The following DLGAP1 variants were observed in gnomAD, a reference collection of about 807,000 sequenced individuals.
DLGAP1 encodes the protein DLG associated protein 1, also known as disks large-associated protein 1.
DLGAP1 carries 11 observed loss-of-function variants against 90.8 expected under a neutral mutation model. The observed-to-expected ratio is 0.12, with a 90% CI of 0.08 to 0.20. DLGAP1 has a LOEUF of 0.20. Among genes scored for constraint, DLGAP1 ranks in the 10% least tolerant of loss-of-function variants. The pLI, the probability that DLGAP1 is intolerant of heterozygous loss-of-function variation, is 1.00. For missense variants in DLGAP1, 1,050 were observed against 1,333.8 expected (o/e 0.79, Z 3.31); for synonymous variants, 558 against 540.7 (o/e 1.03, Z -0.44).
At chr18:4,098,384 T>G (rs1372191177) in intron 2 of DLGAP1, among the ~76,000 whole-genome samples, 2 of 151,896 alleles carry the variant, frequency 1.3e-5, no homozygotes, top group Admixed American at 1.3e-4. Context: ...AGTCACTGAG[T>G]GATATAAAAA....
chr18:4,057,464 C>G (rs560372719), intron 2 of DLGAP1, among the ~76,000 whole-genome samples: 1 of 152,168 alleles, frequency 6.6e-6, no homozygotes, highest in Non-Finnish European at 1.5e-5. Flanking sequence ...ATGTGGACAG[C>G]CCACCCTAAC....
At chr18:3,901,124 C>A (rs963211616) in intron 3 of DLGAP1, among the ~76,000 whole-genome samples, 1 of 152,130 alleles carries the variant, frequency 6.6e-6, no homozygotes, top group Admixed American at 6.5e-5. Context: ...GCTGCAACCA[C>A]CAAACGACTT....
At chr18:3,972,518 C>G (rs2073475016) in intron 3 of DLGAP1, among the ~76,000 whole-genome samples, 1 of 151,900 alleles carries the variant, frequency 6.6e-6, no homozygotes. Flanking sequence ...CTCTCTCTCT[C>G]TCTCTTTCTT....
chr18:4,374,364 C>T (rs2081975327), intron 1 of DLGAP1, among the ~76,000 whole-genome samples: 1 of 152,012 alleles, frequency 6.6e-6, no homozygotes. Context: ...AATGCAAAAA[C>T]ATTAAGTAAT....
intron 3 of DLGAP1, among the ~76,000 whole-genome samples, chr18:3,979,573 T>C (rs1555718483): frequency 6.6e-6 from 1 of 152,148 alleles, no homozygotes; most frequent in Non-Finnish European, 1.5e-5. Context: ...GACGAAGAGA[T>C]AGGGAAAGAA....
intron 6 of DLGAP1, among the ~76,000 whole-genome samples, chr18:3,734,617 G>C (rs980306738): frequency 1.3e-5 from 2 of 152,174 alleles, no homozygotes; most frequent in East Asian, 1.9e-4. Flanking sequence ...TCTATGTCAA[G>C]AATGATACTG....
intron 7 of DLGAP1, among the ~76,000 whole-genome samples, chr18:3,691,741 A>G (rs2060904721): frequency 6.6e-6 from 1 of 152,058 alleles, no homozygotes; most frequent in Non-Finnish European, 1.5e-5. Context: ...GTGAAAAACC[A>G]TCTCTACAGA....
intron 7 of DLGAP1, among the ~76,000 whole-genome samples, chr18:3,622,357 A>G (rs1567851160): frequency 2.0e-5 from 3 of 152,076 alleles, no homozygotes; most frequent in Admixed American, 1.3e-4. Flanking sequence ...TGCCTGCTTC[A>G]TTCTCCCAAA....
intron 7 of DLGAP1, among the ~76,000 whole-genome samples, chr18:3,658,354 T>C (rs1319422868): frequency 6.6e-6 from 1 of 152,246 alleles, no homozygotes; most frequent in Non-Finnish European, 1.5e-5. Context: ...AACGTCTGGC[T>C]CTTGCAAGCT....
chr18:3,823,352 T>G (rs2067527233), intron 4 of DLGAP1, among the ~76,000 whole-genome samples: 1 of 152,220 alleles, frequency 6.6e-6, no homozygotes. Context: ...GCATGTGACC[T>G]TAGGACTTGT....
intron 1 of DLGAP1, among the ~76,000 whole-genome samples, chr18:4,314,434 T>C (rs1352384725): frequency 6.6e-6 from 1 of 152,240 alleles, no homozygotes; most frequent in Admixed American, 6.5e-5. Flanking sequence ...CAAATATTAC[T>C]TCCTCAAAGA....
chr18:3,606,686 A>G (rs1042756556), intron 7 of DLGAP1: 10 of 152,166 alleles, frequency 6.6e-5, no homozygotes, highest in African/African-American at 2.2e-4. Flanking sequence ...CAGCCACGTA[A>G]TGGGATTACG....
At chr18:4,265,327 C>T (rs1440880745) in intron 1 of DLGAP1, among the ~76,000 whole-genome samples, 1 of 151,960 alleles carries the variant, frequency 6.6e-6, no homozygotes, top group Non-Finnish European at 1.5e-5. Context: ...CACCACCACA[C>T]CTGGCTAATT....
In DLGAP1 at chr18:3,496,947, C is replaced by T. The variant is rs562436511; in HGVS notation, c.*2238G>A. On this transcript the variant is annotated 3_prime_UTR_variant, in exon 13 of 13. Transcript: ENST00000315677. ...CACTTAGACAAGATAAATAGGCCTT[C>T]TCTTGTCTCTCTTTAAAATATCATG... 57 of 152,168 alleles carry T rather than the reference C, an allele frequency of 3.7e-4. No homozygotes were observed. Among genetic ancestry groups the T allele is most frequent in the Non-Finnish European group, 7.8e-4 (53 of 68,026 alleles). The allele number at this position is 152,168 out of a possible 1,614,324, so 9.4% of individuals were successfully genotyped here. A position where few individuals can be genotyped will look rare whatever the true frequency, so the allele number is the denominator to read the frequency against.
At chr18:4,413,138 C>T (rs577997733) in intron 1 of DLGAP1, among the ~76,000 whole-genome samples, 2 of 152,172 alleles carry the variant, frequency 1.3e-5, no homozygotes, top group South Asian at 2.1e-4. Context: ...ATCACTTTAC[C>T]TCGTTATCCA....
intron 4 of DLGAP1, among the ~76,000 whole-genome samples, chr18:3,824,608 A>C (rs1318897518): frequency 6.6e-6 from 1 of 152,194 alleles, no homozygotes; most frequent in Non-Finnish European, 1.5e-5. Flanking sequence ...ATCAATTTTG[A>C]AATATTAAGT....
intron 2 of DLGAP1, among the ~76,000 whole-genome samples, chr18:4,111,613 T>A (rs946966090): frequency 2.0e-5 from 3 of 152,198 alleles, no homozygotes; most frequent in African/African-American, 7.2e-5. Flanking sequence ...TTGCAGTTTT[T>A]AAATTAGTGA....
chr18:4,056,472 G>A (rs1210172371), intron 2 of DLGAP1, among the ~76,000 whole-genome samples: 1 of 152,198 alleles, frequency 6.6e-6, no homozygotes, highest in East Asian at 1.9e-4. Context: ...TGAGATCTGG[G>A]TGGTACATTT....
In DLGAP1 at chr18:3,534,702, T is replaced by G. The variant is rs1170227820; in HGVS notation, c.2058-87A>C. On this transcript the variant is annotated intron_variant, in intron 9 of 12. Coordinates refer to ENST00000315677, the MANE Select transcript of DLGAP1 (RefSeq NM_004746.4). ...CCTTCCTTCCTTTCTTTCTTTTTTT[T>G]TTTTTTTTGACAGAGTCTCACTCTG... The G allele has an allele frequency of 1.2e-5, 16 of 1,313,564 alleles. No individual in the cohort carries two copies. In the African/African-American group the frequency reaches 1.8e-4, roughly 15 times the overall value. 81.4% of individuals were successfully genotyped at this position (1,313,564 alleles called of 1,614,324 possible).
Sources: gnomAD v4.1 joint callset for allele counts (sites outside exome capture counted in the v4.1 genomes callset) on GRCh38, gnomAD v4.1.1 for gene constraint, MANE v1.5 for transcripts, NCBI Gene and HGNC (gene_info 2026-07-23, HGNC 2026-07-21) for gene names.